FIG4: variants seen among roughly 807,000 people sequenced by gnomAD.
FIG4 encodes polyphosphoinositide phosphatase.
In FIG4, 112 loss-of-function variants were observed where a neutral mutation model predicts 118.6. The observed-to-expected ratio is 0.94, with a 90% CI of 0.81 to 1.11. FIG4 has a LOEUF of 1.11. Among genes scored for constraint, FIG4 ranks in the 50% least tolerant of loss-of-function variants. The pLI is 0.00. For missense variants in FIG4, 969 were observed against 1,111.7 expected (o/e 0.87, Z 1.83); for synonymous variants, 369 against 381.2 (o/e 0.97, Z 0.37).
At chr6:109,780,799 T>A (rs1391817190) in intron 16 of FIG4, among the ~76,000 whole-genome samples, 1 of 152,218 alleles carries the variant, frequency 6.6e-6, no homozygotes, top group Admixed American at 6.5e-5. Context: ...TAACTCTACC[T>A]AGAGTCATTG....
At chr6:109,787,641 AT>A (rs1324631569) in intron 18 of FIG4, among the ~76,000 whole-genome samples, 3 of 152,206 alleles carry the variant, frequency 2.0e-5, no homozygotes, top group Non-Finnish European at 2.9e-5. Flanking sequence ...CCTGCTGTAC[AT>A]TGTTTCACTG....
intron 3 of FIG4, among the ~76,000 whole-genome samples, chr6:109,724,863 A>G (rs1253922140): frequency 1.3e-5 from 2 of 150,710 alleles, no homozygotes; most frequent in Non-Finnish European, 2.9e-5. Context: ...AATTTTGGTA[A>G]AAAACAGAAT....
intron 1 of FIG4, among the ~76,000 whole-genome samples, chr6:109,701,473 A>G (rs1236854889): frequency 6.6e-6 from 1 of 152,232 alleles, no homozygotes; most frequent in Non-Finnish European, 1.5e-5. Context: ...ACAATAAGTG[A>G]CCATTTCATA....
At chr6:109,789,803 A>G (rs1049750784) in intron 19 of FIG4, 126 bp downstream of exon 19, 2 of 711,196 alleles carry the variant, frequency 2.8e-6, no homozygotes, top group South Asian at 1.5e-5. Context: ...TGGGATCACT[A>G]AGGTGTTCAA....
intron 18 of FIG4, among the ~76,000 whole-genome samples, 161 bp from the exon 19 acceptor site, chr6:109,789,433 T>C (rs967422615): frequency 2.0e-5 from 3 of 152,232 alleles, no homozygotes. Context: ...TCTAGTGCTG[T>C]TAATTCATGG....
At chr6:109,757,927 A>G (rs1345358482) in intron 10 of FIG4, among the ~76,000 whole-genome samples, 1 of 152,232 alleles carries the variant, frequency 6.6e-6, no homozygotes, top group Non-Finnish European at 1.5e-5. Context: ...CTCTTCAAGG[A>G]GAACTACAAA....
chr6:109,808,350 CAAAAAAAAAAA>C (rs55948419), intron 22 of FIG4, among the ~76,000 whole-genome samples: 6 of 67,060 alleles, frequency 8.9e-5, no homozygotes, highest in Non-Finnish European at 1.1e-4. Flanking sequence ...ACACTCACAG[CAAAAAAAAAAA>C]AAAAAAAAAA....
chr6:109,708,891 A>T (rs1013392244), intron 1 of FIG4, among the ~76,000 whole-genome samples: 1 of 151,740 alleles, frequency 6.6e-6, no homozygotes, highest in Non-Finnish European at 1.5e-5. Context: ...GTTAGTAAAA[A>T]TTTTCTCTTA....
intron 21 of FIG4, among the ~76,000 whole-genome samples, chr6:109,795,670 C>T (rs1443404764): frequency 3.3e-5 from 4 of 120,040 alleles, no homozygotes; most frequent in Non-Finnish European, 4.8e-5. Flanking sequence ...GGCATGATCT[C>T]GGCTCACTGC....
chr6:109,804,714 T>G (rs138386317), intron 22 of FIG4, among the ~76,000 whole-genome samples: 8 of 152,282 alleles, frequency 5.3e-5, no homozygotes, highest in African/African-American at 1.9e-4. Context: ...GGAAATCAAT[T>G]GCATTCTATT....
At chr6:109,815,303 T>C (rs1204098699) in intron 22 of FIG4, among the ~76,000 whole-genome samples, 1 of 151,988 alleles carries the variant, frequency 6.6e-6, no homozygotes, top group East Asian at 1.9e-4. Flanking sequence ...CTTCCTCTCC[T>C]TGGGCTCCAG....
intron 22 of FIG4, among the ~76,000 whole-genome samples, chr6:109,807,026 C>A (rs1421662620): frequency 6.6e-6 from 1 of 152,138 alleles, no homozygotes; most frequent in Admixed American, 6.5e-5. Flanking sequence ...TGGTTTGGTT[C>A]CAAGTCTTTG....
At chr6:109,793,077 C>T (rs1463245875) in intron 21 of FIG4, among the ~76,000 whole-genome samples, 1 of 152,164 alleles carries the variant, frequency 6.6e-6, no homozygotes, top group Non-Finnish European at 1.5e-5. Context: ...TTGAGGCGGT[C>T]AAATTCTGAA....
chr6:109,695,597 C>G (rs1235552977), intron 1 of FIG4, among the ~76,000 whole-genome samples: 3 of 150,964 alleles, frequency 2.0e-5, no homozygotes, highest in African/African-American at 7.3e-5. Flanking sequence ...CACACACACA[C>G]ACAGACACAC....
intron 10 of FIG4, among the ~76,000 whole-genome samples, chr6:109,759,097 G>C (rs911391139): frequency 1.1e-4 from 16 of 152,062 alleles, no homozygotes; most frequent in Non-Finnish European, 2.2e-4. Context: ...CCCATTACTG[G>C]GTATATACTC....
intron 10 of FIG4, among the ~76,000 whole-genome samples, chr6:109,749,837 C>T (rs2128388392): frequency 6.6e-6 from 1 of 152,178 alleles, no homozygotes; most frequent in Admixed American, 6.5e-5. Context: ...TAAAGTTGTA[C>T]TTGTTTATTG....
rs774911447 is a variant in FIG4 at position 109,780,510 on chromosome 6, CCT to C, written c.1889+3451_1889+3452del. ...TACAGGTGTGAGCCACTGCACCTGC[CCT>C]GTTACTATTCTTTAAGGAGATAACA... On this transcript the variant is annotated intron_variant, in intron 16 of 22. Transcript: ENST00000230124. Among the ~76,000 whole-genome samples, 56 of 152,250 alleles carry C rather than the reference CCT, an allele frequency of 3.7e-4. 1 individual carries two copies. The highest frequency in any genetic ancestry group is 5.2e-4 in the Admixed American group (8 of 15,300).
chr6:109,709,219 A>G (rs1013905604), intron 1 of FIG4, among the ~76,000 whole-genome samples: 1 of 152,202 alleles, frequency 6.6e-6, no homozygotes, highest in Non-Finnish European at 1.5e-5. Context: ...TGAATAGGGA[A>G]TCCTTTCCCC....
intron 3 of FIG4, among the ~76,000 whole-genome samples, chr6:109,726,223 ATGGTTTT>A (rs1775808879): frequency 6.6e-6 from 1 of 152,046 alleles, no homozygotes; most frequent in Non-Finnish European, 1.5e-5. Context: ...TAGGGATTTT[ATGGTTTT>A]AGGTTTTATA....
Sources: gnomAD v4.1 joint callset for allele counts (sites outside exome capture counted in the v4.1 genomes callset) on GRCh38, gnomAD v4.1.1 for gene constraint, MANE v1.5 for transcripts, NCBI Gene and HGNC (gene_info 2026-07-23, HGNC 2026-07-21) for gene names.